Variants in CEP63 observed in about 807,000 individuals in gnomAD.
CEP63 encodes the protein centrosomal protein of 63 kDa.
A neutral mutation model predicts 89.1 loss-of-function variants in CEP63; 84 were observed. The observed-to-expected ratio is 0.94, with a 90% CI of 0.79 to 1.13. The LOEUF is 1.13. CEP63 is among the 50% of genes most tolerant of loss of function. CEP63 has a pLI of 0.00. For synonymous variants in CEP63, 267 were observed against 272.5 expected (o/e 0.98, Z 0.20); for missense variants, 838 against 813.3 (o/e 1.03, Z -0.37).
At chr3:134,707,290 A>AT in the CEP63 span, among the ~76,000 whole-genome samples, 3 of 152,202 alleles carry the variant, frequency 2.0e-5, no homozygotes, top group Non-Finnish European at 4.4e-5. Context: ...AGATACAGAG[A>AT]TTTTTTTTCA....
the CEP63 span, among the ~76,000 whole-genome samples, chr3:134,684,366 T>C: frequency 6.6e-6 from 1 of 152,234 alleles, no homozygotes; most frequent in Non-Finnish European, 1.5e-5. Context: ...TCTGGTCAAA[T>C]AATTCCACAT....
chr3:134,673,189 C>A, the CEP63 span, among the ~76,000 whole-genome samples: 1 of 152,178 alleles, frequency 6.6e-6, no homozygotes, highest in Non-Finnish European at 1.5e-5. Flanking sequence ...TACCACCATC[C>A]ATCAAGAACC....
the CEP63 span, among the ~76,000 whole-genome samples, chr3:134,746,071 C>T: frequency 1.3e-5 from 2 of 151,594 alleles, no homozygotes; most frequent in African/African-American, 4.8e-5. Context: ...CTCCACCACC[C>T]CCCCCACCCC....
intron 6 of CEP63, among the ~76,000 whole-genome samples, chr3:134,539,452 T>A (rs186427836): frequency 0.013 from 2,012 of 152,278 alleles, 24 homozygotes; most frequent in Non-Finnish European, 0.019. Context: ...GGTAAGGACT[T>A]AAAAAATAAC....
intron 2 of CEP63, among the ~76,000 whole-genome samples, chr3:134,496,424 A>G (rs1400263327): frequency 7.7e-5 from 2 of 25,992 alleles, no homozygotes; most frequent in East Asian, 9.9e-4. Context: ...AAAAGGATAG[A>G]AAAAAAAGGG....
At chr3:134,699,827 A>G in the CEP63 span, among the ~76,000 whole-genome samples, 1 of 152,240 alleles carries the variant, frequency 6.6e-6, no homozygotes, top group Non-Finnish European at 1.5e-5. Context: ...CAGATGTCTT[A>G]ATCATGACTT....
chr3:134,582,248 T>C (rs1355358827), intron 10 of CEP63, among the ~76,000 whole-genome samples: 3 of 152,130 alleles, frequency 2.0e-5, no homozygotes, highest in Non-Finnish European at 2.9e-5. Context: ...GCCACATAGG[T>C]ATACATGTGC....
At chr3:134,674,679 A>C in the CEP63 span, among the ~76,000 whole-genome samples, 1 of 152,190 alleles carries the variant, frequency 6.6e-6, no homozygotes, top group African/African-American at 2.4e-5. Flanking sequence ...AAAAATCCCA[A>C]GGAATCCATG....
At chr3:134,708,079 C>T in the CEP63 span, among the ~76,000 whole-genome samples, 18 of 152,172 alleles carry the variant, frequency 1.2e-4, no homozygotes, top group Admixed American at 1.2e-3. Context: ...AAACAAGCAG[C>T]ACTTATAATG....
chr3:134,489,781 G>A (rs1286869547), intron 1 of CEP63, among the ~76,000 whole-genome samples: 1 of 152,190 alleles, frequency 6.6e-6, no homozygotes, highest in Non-Finnish European at 1.5e-5. Context: ...CCACAGTAAT[G>A]AGTTGGTGGC....
At chr3:134,577,671 G>T (rs11919458), downstream of CEP63, among the ~76,000 whole-genome samples, 1 of 151,584 alleles carries the variant, frequency 6.6e-6, no homozygotes, top group African/African-American at 2.4e-5. Flanking sequence ...TGTTACACAG[G>T]TATACATGTG....
intron 2 of CEP63, 110 bp downstream of exon 2, chr3:134,495,474 G>A (rs1345460374): frequency 2.7e-6 from 2 of 752,074 alleles, no homozygotes; most frequent in Non-Finnish European, 4.7e-6. Context: ...GATCAAATAA[G>A]GGTATTTAGT....
At chr3:134,728,060 C>CA in the CEP63 span, among the ~76,000 whole-genome samples, 1 of 151,946 alleles carries the variant, frequency 6.6e-6, no homozygotes, top group Non-Finnish European at 1.5e-5. Context: ...AGTATAGGAG[C>CA]AAACAACTAG....
chr3:134,503,840 G>GTTTCCATTTGTGTACGATATTT (rs141445032), intron 2 of CEP63, among the ~76,000 whole-genome samples: 4 of 151,230 alleles, frequency 2.6e-5, no homozygotes, highest in African/African-American at 4.9e-5. Context: ...CATGTTTTTG[G>GTTTCCATTTGTGTACGATATTT]TTTCCCATCT....
the CEP63 span, among the ~76,000 whole-genome samples, chr3:134,756,635 TG>T: frequency 1.3e-5 from 2 of 152,200 alleles, no homozygotes; most frequent in African/African-American, 4.8e-5. Flanking sequence ...ATTACAGGCG[TG>T]AGCCACTGCT....
intron 3 of CEP63, among the ~76,000 whole-genome samples, chr3:134,520,929 T>C (rs1285096053): frequency 6.6e-6 from 1 of 152,178 alleles, no homozygotes; most frequent in Non-Finnish European, 1.5e-5. Flanking sequence ...TTCTAGAAGA[T>C]GACATAAGAG....
chr3:134,581,150 C>T (rs1958335014), intron 10 of CEP63, among the ~76,000 whole-genome samples: 1 of 152,192 alleles, frequency 6.6e-6, no homozygotes, highest in Admixed American at 6.5e-5. Flanking sequence ...GAACACAGCC[C>T]TGTTAACACC....
chr3:134,684,702 C>G, the CEP63 span, among the ~76,000 whole-genome samples: 1 of 152,234 alleles, frequency 6.6e-6, no homozygotes, highest in Non-Finnish European at 1.5e-5. Context: ...CCAGGCAGAC[C>G]TCAGCTGTGC....
intron 3 of CEP63, among the ~76,000 whole-genome samples, chr3:134,519,951 A>G (rs1241409692): frequency 3.9e-5 from 6 of 152,328 alleles, no homozygotes; most frequent in Non-Finnish European, 4.4e-5. Context: ...GTAAAATGGT[A>G]TATAAGAAAC....
Sources: gnomAD v4.1 joint callset for allele counts (sites outside exome capture counted in the v4.1 genomes callset) on GRCh38, gnomAD v4.1.1 for gene constraint, MANE v1.5 for transcripts, NCBI Gene and HGNC (gene_info 2026-07-23, HGNC 2026-07-21) for gene names.